PDS5A: variants seen among roughly 807,000 people sequenced by gnomAD.
The protein encoded by PDS5A is sister chromatid cohesion protein PDS5 homolog A.
A neutral mutation model predicts 167.1 loss-of-function variants in PDS5A; 42 were observed. That is an observed-to-expected ratio of 0.25 (90% CI 0.20 to 0.33). The LOEUF is 0.33. PDS5A is among the 10% of genes least tolerant of loss of function. The pLI is 1.00. For missense variants in PDS5A, 1,033 were observed against 1,605.9 expected (o/e 0.64, Z 6.10); for synonymous variants, 553 against 554.6 (o/e 1.00, Z 0.04).
intron 6 of PDS5A, among the ~76,000 whole-genome samples, chr4:39,920,605 T>C (rs1481496293): frequency 2.0e-5 from 3 of 152,218 alleles, no homozygotes; most frequent in African/African-American, 7.2e-5. Flanking sequence ...ACGTTGCAAA[T>C]CGAACTAATT....
In PDS5A at chr4:39,889,226, A is replaced by G. The variant is rs571696629; in HGVS notation, c.1886+1023T>C. 2.8e-4 allele frequency among the ~76,000 whole-genome samples: 43 copies of G among 152,362 alleles called. No homozygotes were observed. The South Asian group carries it at 7.7e-3, about 27-fold the overall frequency. On this transcript the variant is annotated intron_variant, in intron 17 of 32. Coordinates refer to ENST00000303538, the MANE Select transcript of PDS5A (RefSeq NM_001100399.2). ...CTGCGTGCACAGAGAAAAGACCACA[A>G]GAGGACACAGTGAGAAGGAAGCCAT...
intron 11 of PDS5A, 30 bp from the exon 12 acceptor site, chr4:39,904,221 A>T: frequency 6.5e-7 from 1 of 1,545,360 alleles, no homozygotes; most frequent in South Asian, 1.2e-5. Flanking sequence ...TTAGATGAGC[A>T]AGATAACAAA....
At chr4:39,892,366 C>T (rs1722051180) in intron 16 of PDS5A, among the ~76,000 whole-genome samples, 1 of 152,198 alleles carries the variant, frequency 6.6e-6, no homozygotes, top group South Asian at 2.1e-4. Context: ...CACTTCTGAA[C>T]ACAACTGCAA....
intron 2 of PDS5A, among the ~76,000 whole-genome samples, chr4:39,940,045 G>A (rs1727078568): frequency 6.6e-6 from 1 of 152,072 alleles, no homozygotes; most frequent in Admixed American, 6.6e-5. Context: ...ATCACTTGAA[G>A]TCAGGAGTTT....
intron 2 of PDS5A, among the ~76,000 whole-genome samples, chr4:39,953,383 C>G (rs981453874): frequency 6.6e-6 from 1 of 151,084 alleles, no homozygotes; most frequent in Non-Finnish European, 1.5e-5. Context: ...TCAGGTGATC[C>G]AGGGCAGTGT....
intron 26 of PDS5A, among the ~76,000 whole-genome samples, chr4:39,854,924 ATTCATT>A (rs1436985310): frequency 6.6e-6 from 1 of 152,202 alleles, no homozygotes; most frequent in African/African-American, 2.4e-5. Context: ...TTCTTAATGA[ATTCATT>A]TTCAATTTTT....
Position 39,914,606 on chromosome 4 carries a change from CTTCA to C in PDS5A, c.877-884_877-881del, listed in dbSNP as rs1397785005. On this transcript the variant is annotated intron_variant, in intron 8 of 32. Transcript: ENST00000303538. Reference sequence around the variant, plus strand: ...GCTTAAATACTATAAAAAAGCAAAACTTCATTGTTTTCTAGTAAGATTATATTTT... The same window carrying C: ...GCTTAAATACTATAAAAAAGCAAAACTTGTTTTCTAGTAAGATTATATTTT... Among the ~76,000 whole-genome samples, 3 of 152,116 alleles carry C rather than the reference CTTCA, an allele frequency of 2.0e-5. No homozygotes were observed. In the East Asian group the frequency reaches 5.8e-4, roughly 29 times the overall value.
At chr4:39,911,991 T>C (rs1326619474) in intron 9 of PDS5A, among the ~76,000 whole-genome samples, 2 of 152,058 alleles carry the variant, frequency 1.3e-5, no homozygotes, top group African/African-American at 4.8e-5. Context: ...AATGATCTCA[T>C]AAAAAAACCA....
intron 2 of PDS5A, chr4:39,973,331 C>T: frequency 6.2e-7 from 1 of 1,607,322 alleles, no homozygotes; most frequent in East Asian, 2.2e-5. Flanking sequence ...ACATGAACAG[C>T]AGGCTGTTGC....
At chr4:39,833,211 A>AG (rs1339602964) in intron 32 of PDS5A, among the ~76,000 whole-genome samples, 3 of 147,778 alleles carry the variant, frequency 2.0e-5, no homozygotes, top group East Asian at 3.9e-4. Context: ...AAAAAAAAAA[A>AG]AAAAAGAAAA....
intron 3 of PDS5A, 139 bp downstream of exon 3, chr4:39,927,822 T>G (rs1725602295): frequency 3.2e-6 from 2 of 624,910 alleles, no homozygotes; most frequent in Non-Finnish European, 2.7e-6. Context: ...ATGAATAATT[T>G]TGCAACTTAC....
chr4:39,831,982 C>T (rs1008999576), intron 32 of PDS5A, among the ~76,000 whole-genome samples: 1 of 147,934 alleles, frequency 6.8e-6, no homozygotes, highest in African/African-American at 2.5e-5. Context: ...GGTGTGGTGG[C>T]GCACATCTGC....
chr4:39,942,641 G>GTCCTGGAC (rs1367714104), intron 2 of PDS5A, among the ~76,000 whole-genome samples: 1 of 152,044 alleles, frequency 6.6e-6, no homozygotes, highest in Non-Finnish European at 1.5e-5. Flanking sequence ...ATCCAGACTA[G>GTCCTGGAC]TCCTGGACTC....
intron 2 of PDS5A, chr4:39,974,282 C>T: frequency 1.9e-6 from 1 of 539,232 alleles, no homozygotes; most frequent in Admixed American, 1.9e-5. Flanking sequence ...TACTATGAGA[C>T]CAGCTTCTTC....
intron 2 of PDS5A, among the ~76,000 whole-genome samples, chr4:39,940,857 G>A (rs1185891311): frequency 1.3e-5 from 2 of 152,142 alleles, no homozygotes; most frequent in Non-Finnish European, 2.9e-5. Context: ...TTTTTGCAGA[G>A]ACAGGATTTC....
intron 2 of PDS5A, among the ~76,000 whole-genome samples, chr4:39,929,615 G>T (rs1430999329): frequency 1.4e-5 from 2 of 146,174 alleles, no homozygotes; most frequent in African/African-American, 5.1e-5. Flanking sequence ...GCGTGTGTGT[G>T]TGTGTGTGTG....
At chr4:39,857,674 T>C (rs961561185) in intron 26 of PDS5A, among the ~76,000 whole-genome samples, 1 of 152,080 alleles carries the variant, frequency 6.6e-6, no homozygotes, top group African/African-American at 2.4e-5. Context: ...ACTGTAGTGA[T>C]AAAAGGTCAA....
intron 26 of PDS5A, among the ~76,000 whole-genome samples, chr4:39,854,523 T>C (rs927549082): frequency 1.3e-5 from 2 of 152,184 alleles, no homozygotes; most frequent in African/African-American, 4.8e-5. Flanking sequence ...TAGTGGTATG[T>C]CTGAAGTCTA....
At chr4:39,909,241 T>C (rs1417109825) in intron 10 of PDS5A, among the ~76,000 whole-genome samples, 1 of 151,972 alleles carries the variant, frequency 6.6e-6, no homozygotes, top group African/African-American at 2.4e-5. Flanking sequence ...TTTTCGTACC[T>C]CAGCCTCCGA....
Sources: gnomAD v4.1 joint callset for allele counts (sites outside exome capture counted in the v4.1 genomes callset) on GRCh38, gnomAD v4.1.1 for gene constraint, MANE v1.5 for transcripts, NCBI Gene and HGNC (gene_info 2026-07-23, HGNC 2026-07-21) for gene names.